EPN3: variants seen among roughly 807,000 people sequenced by gnomAD.
The protein encoded by EPN3 is epsin-3.
A neutral mutation model predicts 55.5 loss-of-function variants in EPN3; 56 were observed. That is an observed-to-expected ratio of 1.01 (90% CI 0.81 to 1.26). The LOEUF (loss-of-function observed/expected upper bound fraction) is 1.26. Ranked by LOEUF, EPN3 falls within the 50% of genes most tolerant of loss-of-function variation. The pLI is 0.00. For missense variants in EPN3, 927 were observed against 853.4 expected (o/e 1.09, Z -1.07); for synonymous variants, 449 against 375.2 (o/e 1.20, Z -2.27).
intron 4 of EPN3, 38 bp downstream of exon 4, chr17:50,539,002 C>T (rs775091549): frequency 1.3e-6 from 2 of 1,566,726 alleles, no homozygotes; most frequent in Non-Finnish European, 1.7e-6. Context: ...GGTGCTGCTG[C>T]TGCTGCTGGT....
At chr17:50,537,487 C>T in intron 2 of EPN3, 1 of 273,622 alleles carries the variant, frequency 3.7e-6, no homozygotes, top group Non-Finnish European at 7.0e-6. Context: ...AGCTCACCTA[C>T]CTCCATTGTT....
chr17:50,537,742 T>C (rs933647559), intron 2 of EPN3, among the ~76,000 whole-genome samples: 4 of 152,174 alleles, frequency 2.6e-5, no homozygotes, highest in Non-Finnish European at 5.9e-5. Context: ...CTCCTATCCT[T>C]GCACCTCCCT....
At chr17:50,534,616 C>G in intron 1 of EPN3, 1 of 985,468 alleles carries the variant, frequency 1.0e-6, no homozygotes, top group Non-Finnish European at 1.2e-6. Context: ...ACAGAAGGCC[C>G]ACGACCCGCT....
chr17:50,534,020 T>A (rs60124448), intron 1 of EPN3, among the ~76,000 whole-genome samples: 20,837 of 152,142 alleles, frequency 0.14, 2,630 homozygotes, highest in African/African-American at 0.34. Context: ...CTTGTAACAC[T>A]GCTGGCAGCG....
intron 1 of EPN3, among the ~76,000 whole-genome samples, chr17:50,533,527 CTT>C (rs1412062500): frequency 6.6e-6 from 1 of 152,180 alleles, no homozygotes; most frequent in African/African-American, 2.4e-5. Context: ...GGTGCACAGA[CTT>C]TACGCAAACT....
At chr17:50,541,407 C>G in intron 8 of EPN3, 57 bp from the exon 9 acceptor site, 1 of 1,607,520 alleles carries the variant, frequency 6.2e-7, no homozygotes, top group East Asian at 2.2e-5. Context: ...TCCTCTTCCT[C>G]CCACGTCGGG....
Position 50,538,113 on chromosome 17 carries a change from G to GTC in EPN3, c.597_598insTC (p.Glu200SerfsTer22). 6.2e-7 allele frequency: 1 copy of GTC among 1,614,090 alleles called. No individual in the cohort carries two copies. Among genetic ancestry groups the GTC allele is most frequent in the Non-Finnish European group, 8.5e-7 (1 of 1,180,004 alleles). On this transcript the variant is annotated frameshift_variant, in exon 3 of 10. Coordinates refer to ENST00000268933, the MANE Select transcript of EPN3 (RefSeq NM_017957.3). LOFTEE classifies it high-confidence loss of function. ...CGTCACCCCGCTATACCTCCGACCT[G>GTC]GAGCAGGCCCGGCCTCAGACGTCAG... is the stretch of plus-strand genomic sequence containing the variant.
intron 1 of EPN3, 60 bp downstream of exon 1, chr17:50,533,045 G>A: frequency 2.7e-6 from 3 of 1,103,916 alleles, no homozygotes; most frequent in Non-Finnish European, 3.6e-6. Flanking sequence ...GGGGTTGGTG[G>A]GGAGCAAACA....
intron 7 of EPN3, 72 bp downstream of exon 7, chr17:50,541,134 C>A: frequency 6.3e-7 from 1 of 1,591,516 alleles, no homozygotes; most frequent in Admixed American, 1.7e-5. Context: ...GCAGCAGATA[C>A]TGTTTGTGTT....
At position 50,536,823 on chromosome 17, in the gene EPN3, C is replaced by A; in HGVS notation, c.267C>A (p.Ser89=). Residue 89 remains serine, a synonymous_variant, in exon 2 of 10, where the codon TCC becomes TCA. Coordinates refer to ENST00000268933, the MANE Select transcript of EPN3 (RefSeq NM_017957.3). ...TLLDYLLKTG[S]ERVAHQCREN... is the part of the protein sequence containing the mutation. ...TGGACTACCTGCTCAAGACGGGCTCCGAGCGGGTGGCCCACCAGTGCCGCG... is the reference window on the plus strand; with the variant it reads ...TGGACTACCTGCTCAAGACGGGCTCAGAGCGGGTGGCCCACCAGTGCCGCG... 1 of 1,614,144 alleles carries A rather than the reference C, an allele frequency of 6.2e-7. No individual in the cohort carries two copies. Among genetic ancestry groups the A allele is most frequent in the African/African-American group, 1.3e-5 (1 of 75,038 alleles).
chr17:50,537,687 C>G (rs750078790), intron 2 of EPN3, among the ~76,000 whole-genome samples: 2 of 152,202 alleles, frequency 1.3e-5, no homozygotes, highest in Non-Finnish European at 2.9e-5. Context: ...AAGCCCTTGA[C>G]AGTTTGCTGA....
In EPN3 at chr17:50,542,344, A is replaced by G. The variant is rs185993840; in HGVS notation, c.*187A>G. 5.2e-3 allele frequency: 2,937 copies of G among 564,022 alleles called. 13 individuals carry two copies. Among genetic ancestry groups the G allele is most frequent in the Non-Finnish European group, 7.6e-3 (2,702 of 354,346 alleles). 34.9% of individuals were successfully genotyped at this position (564,022 alleles called of 1,614,324 possible). Reference sequence around the variant, plus strand: ...GAGCTAGAAACTGAACGCCCGCATAATAAAGACTGGAACCCTCGTTCTCAG... The same window carrying G: ...GAGCTAGAAACTGAACGCCCGCATAGTAAAGACTGGAACCCTCGTTCTCAG... On this transcript the variant is annotated 3_prime_UTR_variant, in exon 10 of 10. Coordinates refer to ENST00000268933, the MANE Select transcript of EPN3 (RefSeq NM_017957.3).
chr17:50,535,035 G>T (rs959004716), intron 1 of EPN3, among the ~76,000 whole-genome samples: 10 of 152,190 alleles, frequency 6.6e-5, no homozygotes, highest in Admixed American at 2.0e-4. Flanking sequence ...TCCTCTTTTG[G>T]TTTCTGAAAG....
At chr17:50,539,584 G>A (rs955833215) in intron 5 of EPN3, among the ~76,000 whole-genome samples, 15 of 152,232 alleles carry the variant, frequency 9.9e-5, no homozygotes, top group African/African-American at 3.6e-4. Context: ...CTTGGGGCAT[G>A]TCACTGTCAT....
rs1366529948 is a variant in EPN3 at position 50,536,657 on chromosome 17, G to GC, written c.107dup (p.Ser37Ter). 8 of 1,613,716 alleles carry GC rather than the reference G, an allele frequency of 5.0e-6. No homozygotes were observed. Among genetic ancestry groups the GC allele is most frequent in the Middle Eastern group, 1.6e-4 (1 of 6,084 alleles). On this transcript the variant is annotated frameshift_variant, in exon 2 of 10. Transcript: ENST00000268933. LOFTEE classifies it high-confidence loss of function. ...GAGGCCACCAGCAATGACCCCTGGGGCCCCCCTAGTTCGCTCATGTCCGAG... is the reference window on the plus strand; with the variant it reads ...GAGGCCACCAGCAATGACCCCTGGGGCCCCCCCTAGTTCGCTCATGTCCGAG...
At position 50,532,954 on chromosome 17, in the gene EPN3, TGGGGCTGGGGCCGAG is replaced by T. The variant is rs1472224309; in HGVS notation, c.-165_-151del. On this transcript the variant is annotated 5_prime_UTR_variant, in exon 1 of 10. Coordinates refer to ENST00000268933, the MANE Select transcript of EPN3 (RefSeq NM_017957.3). ...GGGTCACCGCAGAGGCTACTCGGGC[TGGGGCTGGGGCCGAG>T]GGAGCCCGCACTGGAGGTAAGCTTC... 1.6e-6 allele frequency: 2 copies of T among 1,285,390 alleles called. No homozygotes were observed. The highest frequency in any genetic ancestry group is 1.0e-6 in the Non-Finnish European group (1 of 987,214). The allele number at this position is 1,285,390 out of a possible 1,614,324, so 79.6% of individuals were successfully genotyped here.
chr17:50,538,470 T>C (rs944754577), intron 3 of EPN3: 10 of 508,698 alleles, frequency 2.0e-5, no homozygotes, highest in Non-Finnish European at 3.5e-5. Flanking sequence ...CATGGTGGAG[T>C]GGGTGAGTGT....
In EPN3 at chr17:50,532,844, G is replaced by C. The variant is rs2034690180; in HGVS notation, c.-278G>C. The C allele has an allele frequency of 2.4e-6, 3 of 1,271,306 alleles. No individual in the cohort carries two copies. Among genetic ancestry groups the C allele is most frequent in the Non-Finnish European group, 1.0e-6 (1 of 975,526 alleles). The allele number at this position is 1,271,306 out of a possible 1,614,324, so 78.8% of individuals were successfully genotyped here. On this transcript the variant is annotated 5_prime_UTR_variant, in exon 1 of 10. Transcript: ENST00000268933. The stretch of plus-strand genomic sequence containing the variant: ...GAGGGGTCTGCACCTCCTGGGAGCA[G>C]GTGGGTCTCTGGGACGAGGGTCCAT...
intron 1 of EPN3, among the ~76,000 whole-genome samples, chr17:50,534,815 G>C (rs1311575788): frequency 6.6e-6 from 1 of 152,186 alleles, no homozygotes; most frequent in East Asian, 1.9e-4. Flanking sequence ...GCGTGGAATC[G>C]GGTGCGAGAG....
Sources: gnomAD v4.1 joint callset for allele counts (sites outside exome capture counted in the v4.1 genomes callset) on GRCh38, gnomAD v4.1.1 for gene constraint, MANE v1.5 for transcripts, NCBI Gene and HGNC (gene_info 2026-07-23, HGNC 2026-07-21) for gene names.